ZNF251: variants seen among roughly 807,000 people sequenced by gnomAD.
ZNF251 encodes zinc finger protein 251.
ZNF251 carries 14 observed loss-of-function variants against 13.5 expected under a neutral mutation model. The observed-to-expected ratio is 1.04, with a 90% CI of 0.69 to 1.63. ZNF251 has a LOEUF of 1.63. Among genes scored for constraint, ZNF251 ranks in the 40% most tolerant of loss-of-function variants. The pLI is 0.00. For missense variants in ZNF251, 764 were observed against 834.9 expected, an observed-to-expected ratio of 0.92 and a Z score of 1.05; for synonymous variants, 287 against 295.2, an observed-to-expected ratio of 0.97 and a Z score of 0.28.
intron 4 of ZNF251, among the ~76,000 whole-genome samples, chr8:144,743,750 T>C (rs1207941819): frequency 6.6e-6 from 1 of 152,144 alleles, no homozygotes; most frequent in Non-Finnish European, 1.5e-5. Context: ...TTTTGGCCAT[T>C]CTAATAGGTG....
At chr8:144,725,703 C>A (rs922259353) in intron 4 of ZNF251, among the ~76,000 whole-genome samples, 5 of 152,170 alleles carry the variant, frequency 3.3e-5, no homozygotes, top group Admixed American at 1.3e-4. Context: ...AAAACAGAGA[C>A]ATGCTACATG....
At chr8:144,725,050 G>GT (rs1823479313) in intron 4 of ZNF251, among the ~76,000 whole-genome samples, 3 of 150,878 alleles carry the variant, frequency 2.0e-5, no homozygotes, top group African/African-American at 7.3e-5. Flanking sequence ...TTTCACTCTT[G>GT]TTGCCCAGAC....
chr8:144,731,042 G>T (rs1173944000), intron 4 of ZNF251, among the ~76,000 whole-genome samples: 1 of 152,118 alleles, frequency 6.6e-6, no homozygotes, highest in Non-Finnish European at 1.5e-5. Flanking sequence ...TGCCCCAACA[G>T]GACTTAAATG....
chr8:144,751,925 A>C (rs933950945), intron 4 of ZNF251, among the ~76,000 whole-genome samples: 10 of 152,168 alleles, frequency 6.6e-5, no homozygotes, highest in South Asian at 2.1e-4. Flanking sequence ...TATTAGATAA[A>C]ATATATTTCA....
chr8:144,755,089 T>C, intron 1 of ZNF251: 1 of 1,267,448 alleles, frequency 7.9e-7, no homozygotes, highest in Non-Finnish European at 1.0e-6. Flanking sequence ...CCGTTCTACC[T>C]GCCTGGCCAA....
Position 144,754,266 on chromosome 8 carries a change from C to G in ZNF251, c.89G>C (p.Arg30Pro), listed in dbSNP as rs772860130. The change falls in exon 3 of 5, where the codon CGG becomes CCG. Residue 30 changes from arginine to proline, a missense_variant. Coordinates refer to ENST00000292562, the MANE Select transcript of ZNF251 (RefSeq NM_138367.2). ...VAVYFSQAEG[R>P]QLGPQQRALY... is the part of the protein sequence containing the mutation. The stretch of plus-strand genomic sequence containing the variant: ...CGCCCGCTGCTGGGGGCCCAGCTGC[C>G]GCCCCTCCGCCTGAGAGAAGTACAC... 1.2e-6 allele frequency: 2 copies of G among 1,613,516 alleles called. No homozygotes were observed. Among genetic ancestry groups the G allele is most frequent in the Admixed American group, 3.3e-5 (2 of 59,914 alleles).
rs554379443 is a variant in ZNF251, at chr8:144,727,794, C to T, written c.278-4412G>A. ...TCACCAGAATAGCACTCCCAATTTC[C>T]TTCAAGAACTTTACTTTTTACTGTT... On this transcript the variant is annotated intron_variant, in intron 4 of 4. Coordinates refer to ENST00000292562, the MANE Select transcript of ZNF251 (RefSeq NM_138367.2). 3.3e-5 allele frequency among the ~76,000 whole-genome samples: 5 copies of T among 152,252 alleles called. No homozygotes were observed. In the East Asian group the frequency reaches 9.6e-4, roughly 29 times the overall value.
At chr8:144,726,851 C>T (rs1302447278) in intron 4 of ZNF251, among the ~76,000 whole-genome samples, 1 of 151,598 alleles carries the variant, frequency 6.6e-6, no homozygotes, top group Non-Finnish European at 1.5e-5. Context: ...GCCTGGGCAA[C>T]AGAGCAAGAT....
At chr8:144,742,112 A>T (rs1406028220) in intron 4 of ZNF251, among the ~76,000 whole-genome samples, 6 of 152,106 alleles carry the variant, frequency 3.9e-5, no homozygotes. Flanking sequence ...GACCCACGAC[A>T]CACCACGAGC....
At chr8:144,737,637 C>T (rs1318360370) in intron 4 of ZNF251, among the ~76,000 whole-genome samples, 1 of 151,876 alleles carries the variant, frequency 6.6e-6, no homozygotes. Context: ...TCGAGACCAT[C>T]CTGGCTAACA....
chr8:144,722,919 A>T lies in ZNF251; in HGVS notation c.741T>A (p.Thr247=). 1 of 1,613,884 alleles carries T rather than the reference A, an allele frequency of 6.2e-7. No homozygotes were observed. The highest frequency in any genetic ancestry group is 8.5e-7 in the Non-Finnish European group (1 of 1,179,850). Residue 247 remains threonine, a synonymous_variant, in exon 5 of 5, where the codon ACT becomes ACA. Coordinates refer to ENST00000292562, the MANE Select transcript of ZNF251 (RefSeq NM_138367.2). This position sits in a 1 kb window ranked among gnomAD's most constrained non-coding sequence, Gnocchi z 4.8. ...YECGRCGRAF[T]HSSNLVLHHH... The stretch of plus-strand genomic sequence containing the variant: ...GGTGCAGAACAAGATTTGAGCTGTG[A>T]GTAAAGGCTCGCCCACACCGGCCAC...
intron 4 of ZNF251, among the ~76,000 whole-genome samples, chr8:144,745,188 CTTTTTTTTT>C (rs746070716): frequency 8.7e-6 from 1 of 114,588 alleles, no homozygotes; most frequent in Non-Finnish European, 1.9e-5. Flanking sequence ...TGTCTAGATT[CTTTTTTTTT>C]TTTTTTTTTT....
chr8:144,723,155 T>C lies in ZNF251; in HGVS notation c.505A>G (p.Thr169Ala), dbSNP rs1430104002. 3 of 1,612,852 alleles carry C rather than the reference T, an allele frequency of 1.9e-6. No individual in the cohort carries two copies. The highest frequency in any genetic ancestry group is 2.2e-5 in the East Asian group (1 of 44,892). Residue 169 changes from threonine (T) to alanine (A), a missense_variant, in exon 5 of 5, where the codon ACC (threonine) becomes GCC (alanine). Transcript: ENST00000292562. Reference sequence around the variant, plus strand: ...CCCAAAGATCTTTCCCTGCCCACGGTAGCTTCTGTTAAAACTCTCTTGTGA... The same window carrying C: ...CCCAAAGATCTTTCCCTGCCCACGGCAGCTTCTGTTAAAACTCTCTTGTGA... Reference protein sequence around the residue: ...NIHKRVLTEATVGRERSLGER... With the variant: ...NIHKRVLTEAAVGRERSLGER...
intron 4 of ZNF251, among the ~76,000 whole-genome samples, chr8:144,749,571 C>T (rs1369932357): frequency 1.3e-5 from 2 of 152,110 alleles, no homozygotes; most frequent in African/African-American, 4.8e-5. Flanking sequence ...CTACTTTTTG[C>T]CCTTGTTCTT....
At chr8:144,738,818 T>A (rs1824021325) in intron 4 of ZNF251, 1 of 984,974 alleles carries the variant, frequency 1.0e-6, no homozygotes, top group Non-Finnish European at 1.2e-6. Context: ...GGCACCTGTT[T>A]GTGGAAACAG....
chr8:144,730,176 G>T lies in ZNF251; in HGVS notation c.278-6794C>A, dbSNP rs111829052. 7,082 of 944,002 alleles carry T rather than the reference G, an allele frequency of 7.5e-3. 351 individuals carry two copies. The African/African-American group carries it at 0.11, about 15-fold the overall frequency. The allele number at this position is 944,002 out of a possible 1,614,324, so 58.5% of individuals were successfully genotyped here. On this transcript the variant is annotated intron_variant, in intron 4 of 4. Coordinates refer to ENST00000292562, the MANE Select transcript of ZNF251 (RefSeq NM_138367.2). ...AGTGGAGAGCCATGTTTTATCCACC[G>T]GGCCTAAAGCCCCTCCAGGCGCGGG...
intron 4 of ZNF251, among the ~76,000 whole-genome samples, chr8:144,747,542 G>C (rs974960137): frequency 2.6e-5 from 4 of 152,232 alleles, no homozygotes; most frequent in African/African-American, 9.6e-5. Context: ...GAGGGTGCTG[G>C]ATCTCCAACT....
chr8:144,732,681 A>T (rs149759529), intron 4 of ZNF251, among the ~76,000 whole-genome samples: 5 of 151,592 alleles, frequency 3.3e-5, no homozygotes, highest in African/African-American at 9.7e-5. Context: ...GTGTGGTGGC[A>T]GGCACTTATA....
At chr8:144,731,947 C>CTTTTT (rs1563758169) in intron 4 of ZNF251, among the ~76,000 whole-genome samples, 3 of 136,628 alleles carry the variant, frequency 2.2e-5, no homozygotes, top group African/African-American at 9.2e-5. Flanking sequence ...CTGACAGCTG[C>CTTTTT]ATTTTTTTTT....
Sources: allele counts gnomAD v4.1 joint callset (sites outside exome capture counted in the v4.1 genomes callset), GRCh38; gene constraint gnomAD v4.1.1; non-coding constraint Gnocchi (gnomAD v3.1); transcripts MANE v1.5; gene names NCBI Gene and HGNC (gene_info 2026-07-23, HGNC 2026-07-21).